Variants in REC114 observed in about 807,000 individuals in gnomAD.
REC114 encodes meiotic recombination protein REC114.
In REC114, 27 loss-of-function variants were observed where a neutral mutation model predicts 31.3. That is an observed-to-expected ratio of 0.86 (90% CI 0.64 to 1.19). REC114 has a LOEUF of 1.19. REC114 is among the 50% of genes most tolerant of loss of function. The pLI, the probability that REC114 is intolerant of heterozygous loss-of-function variation, is 0.00. For missense variants in REC114, 344 were observed against 326.9 expected, an observed-to-expected ratio of 1.05 and a Z score of -0.40; for synonymous variants, 134 against 127.7, an observed-to-expected ratio of 1.05 and a Z score of -0.33.
At chr15:73,457,820 A>G (rs1892937927) in intron 1 of REC114, among the ~76,000 whole-genome samples, 1 of 152,118 alleles carries the variant, frequency 6.6e-6, no homozygotes, top group Non-Finnish European at 1.5e-5. Flanking sequence ...CAGGTCATCA[A>G]ACAAAGCATT....
intron 2 of REC114, among the ~76,000 whole-genome samples, chr15:73,495,335 C>T (rs11639269): frequency 0.025 from 3,825 of 151,100 alleles, 91 homozygotes; most frequent in African/African-American, 0.06. Context: ...TTTGTAGTTT[C>T]GAAAAAAAAG....
intron 2 of REC114, among the ~76,000 whole-genome samples, chr15:73,501,754 A>C (rs1893606747): frequency 6.6e-6 from 1 of 152,120 alleles, no homozygotes; most frequent in Admixed American, 6.5e-5. Flanking sequence ...CACCAGTTTT[A>C]TTATTAAAGA....
At chr15:73,478,036 G>T (rs555331919) in intron 2 of REC114, among the ~76,000 whole-genome samples, 3 of 152,016 alleles carry the variant, frequency 2.0e-5, no homozygotes, top group Admixed American at 6.5e-5. Flanking sequence ...GGCCAAGGTG[G>T]GTGGATCACC....
chr15:73,539,588 G>GT (rs1894211946), intron 2 of REC114, among the ~76,000 whole-genome samples: 1 of 151,066 alleles, frequency 6.6e-6, no homozygotes, highest in Non-Finnish European at 1.5e-5. Flanking sequence ...TTTTGTGAGG[G>GT]TTCAAATGGA....
intron 2 of REC114, among the ~76,000 whole-genome samples, chr15:73,514,389 G>GAAATCA (rs1376799815): frequency 6.6e-6 from 1 of 151,950 alleles, no homozygotes; most frequent in Non-Finnish European, 1.5e-5. Flanking sequence ...TGGAAATGCA[G>GAAATCA]AAATCACCCG....
In REC114 at chr15:73,488,209, G is replaced by A. The variant is rs190649801; in HGVS notation, c.249+14288G>A. On this transcript the variant is annotated intron_variant, in intron 2 of 5. Coordinates refer to ENST00000331090, the MANE Select transcript of REC114 (RefSeq NM_001042367.2). ...CTCTGGCATTGTGGACCTATGATGG[G>A]TGTGGTAGCCTCAAAGTTCTTTGAA... is the stretch of plus-strand genomic sequence containing the variant. 1.9e-3 allele frequency among the ~76,000 whole-genome samples: 292 copies of A among 152,276 alleles called. 1 individual carries two copies. The highest frequency in any genetic ancestry group is 6.7e-3 in the African/African-American group (277 of 41,556).
intron 5 of REC114, 79 bp downstream of exon 5, chr15:73,556,470 C>G: frequency 8.3e-7 from 1 of 1,209,794 alleles, no homozygotes; most frequent in East Asian, 2.5e-5. Context: ...TTGTTCAATT[C>G]TTTGTTTTAG....
chr15:73,553,955 A>G (rs77977935), intron 4 of REC114, among the ~76,000 whole-genome samples: 7,793 of 152,270 alleles, frequency 0.051, 217 homozygotes, highest in South Asian at 0.094. Context: ...AATTAGCCCC[A>G]TCTGTAAAAT....
chr15:73,445,335 T>G (rs1892750474), intron 1 of REC114, among the ~76,000 whole-genome samples: 1 of 152,252 alleles, frequency 6.6e-6, no homozygotes, highest in Non-Finnish European at 1.5e-5. Flanking sequence ...AGACTTTGGC[T>G]TAAGGGAATG....
At chr15:73,464,684 A>G (rs746271261) in intron 1 of REC114, among the ~76,000 whole-genome samples, 2 of 152,146 alleles carry the variant, frequency 1.3e-5, no homozygotes, top group African/African-American at 4.8e-5. Context: ...TTCAGAGCAC[A>G]TAGTCTGGTC....
intron 1 of REC114, among the ~76,000 whole-genome samples, chr15:73,446,200 C>T (rs181970118): frequency 6.6e-6 from 1 of 152,220 alleles, no homozygotes; most frequent in African/African-American, 2.4e-5. Flanking sequence ...GCCAGTCATT[C>T]AGTTCCCTTT....
chr15:73,543,592 G>A (rs959065795), intron 3 of REC114, among the ~76,000 whole-genome samples: 2 of 152,108 alleles, frequency 1.3e-5, no homozygotes, highest in African/African-American at 4.8e-5. Flanking sequence ...GCCTCCCAAA[G>A]TGCTGGGATT....
intron 2 of REC114, among the ~76,000 whole-genome samples, chr15:73,508,079 GTTC>G (rs1472428900): frequency 4.6e-5 from 7 of 152,182 alleles, no homozygotes; most frequent in Admixed American, 3.3e-4. Flanking sequence ...TTGGTTGGTT[GTTC>G]TTCTTGTTTT....
intron 2 of REC114, among the ~76,000 whole-genome samples, chr15:73,482,569 A>G (rs1244533029): frequency 6.6e-6 from 1 of 152,234 alleles, no homozygotes; most frequent in African/African-American, 2.4e-5. Flanking sequence ...ATGTAAAAAC[A>G]GCCTCTAATA....
chr15:73,534,381 A>G (rs529495836), intron 2 of REC114, among the ~76,000 whole-genome samples: 1 of 152,358 alleles, frequency 6.6e-6, no homozygotes, highest in South Asian at 2.1e-4. Context: ...ACAAACTACC[A>G]TCAGGGAATA....
chr15:73,484,927 T>C (rs1033202506), intron 2 of REC114, among the ~76,000 whole-genome samples: 3 of 152,228 alleles, frequency 2.0e-5, no homozygotes, highest in Non-Finnish European at 4.4e-5. Flanking sequence ...TGTTTACCAG[T>C]GAAAATGCTA....
At chr15:73,544,553 TA>T (rs916386205) in intron 3 of REC114, among the ~76,000 whole-genome samples, 31 of 152,166 alleles carry the variant, frequency 2.0e-4, no homozygotes, top group African/African-American at 7.0e-4. Context: ...TCTGATCAAA[TA>T]GGGGGCTAAC....
chr15:73,493,220 G>A (rs1002838244), intron 2 of REC114, among the ~76,000 whole-genome samples: 5 of 151,894 alleles, frequency 3.3e-5, no homozygotes, highest in Non-Finnish European at 5.9e-5. Context: ...AGATCTCACC[G>A]TATTGCCCAG....
chr15:73,527,370 C>T (rs191439515), intron 2 of REC114, among the ~76,000 whole-genome samples: 1 of 152,180 alleles, frequency 6.6e-6, no homozygotes, highest in African/African-American at 2.4e-5. Context: ...TGTTGTCTTC[C>T]TCTCTTAAGT....
Sources: allele counts gnomAD v4.1 joint callset (sites outside exome capture counted in the v4.1 genomes callset), GRCh38; gene constraint gnomAD v4.1.1; transcripts MANE v1.5; gene names NCBI Gene and HGNC (gene_info 2026-07-23, HGNC 2026-07-21).